Variants in MRTFA observed in about 807,000 individuals in gnomAD.
MRTFA encodes the protein myocardin-related transcription factor A.
Under a neutral mutation model 83.5 loss-of-function variants are expected in MRTFA, and 20 were observed. The ratio of observed to expected loss-of-function variants is 0.24; its 90% confidence interval spans 0.17 to 0.35. MRTFA has a LOEUF of 0.35. Among genes scored for constraint, MRTFA ranks in the 10% least tolerant of loss-of-function variants. The probability of loss-of-function intolerance (pLI) is 1.00; values close to 1 mark genes in which losing one functional copy is unlikely to be tolerated. For synonymous variants in MRTFA, 659 were observed against 541.2 expected (o/e 1.22, Z -3.02); for missense variants, 1,200 against 1,224.7 (o/e 0.98, Z 0.30).
chr22:40,622,377 AG>A (rs2056533598), intron 1 of MRTFA, among the ~76,000 whole-genome samples: 2 of 151,362 alleles, frequency 1.3e-5, no homozygotes, highest in Admixed American at 6.6e-5. Context: ...GCTACTCGGG[AG>A]GCTGAGGCAG....
intron 4 of MRTFA, among the ~76,000 whole-genome samples, chr22:40,457,432 GAA>G (rs1049289945): frequency 7.7e-5 from 7 of 90,848 alleles, no homozygotes; most frequent in African/African-American, 1.3e-4. Flanking sequence ...ATGAAAGAAA[GAA>G]AGAGAAAGAA....
In MRTFA at chr22:40,614,946, T is replaced by A. The variant is rs536494973; in HGVS notation, c.-83-20211A>T. 3.9e-5 allele frequency among the ~76,000 whole-genome samples: 6 copies of A among 152,320 alleles called. No homozygotes were observed. The South Asian group carries it at 1.2e-3, about 32-fold the overall frequency. On this transcript the variant is annotated intron_variant, in intron 1 of 14. Coordinates refer to ENST00000355630, the MANE Select transcript of MRTFA (RefSeq NM_020831.6). ...CTCCCAAGTCTGTGGCTTACCTTTT[T>A]AGTTTCTTATGGTGTCTTCTAAAGA... is the stretch of plus-strand genomic sequence containing the variant.
intron 2 of MRTFA, among the ~76,000 whole-genome samples, chr22:40,559,774 A>G (rs1178318306): frequency 1.3e-5 from 2 of 152,246 alleles, no homozygotes; most frequent in African/African-American, 2.4e-5. Flanking sequence ...CAAAAAGAAA[A>G]GAAAGAAAAT....
At chr22:40,562,836 G>GTAA (rs1391606486) in intron 2 of MRTFA, among the ~76,000 whole-genome samples, 2 of 151,992 alleles carry the variant, frequency 1.3e-5, no homozygotes, top group African/African-American at 4.8e-5. Flanking sequence ...TCTCAAAGTA[G>GTAA]TAAGATGCAG....
chr22:40,476,661 C>T (rs935731375), intron 3 of MRTFA, among the ~76,000 whole-genome samples: 3 of 152,042 alleles, frequency 2.0e-5, no homozygotes, highest in Non-Finnish European at 4.4e-5. Flanking sequence ...GCCTGTTGCC[C>T]AGGCTAGTCT....
Position 40,423,690 on chromosome 22 carries a change from G to C in MRTFA, c.778-5C>G. On this transcript the variant is annotated splice_region_variant and splice_polypyrimidine_tract_variant and intron_variant, in intron 8 of 14. Coordinates refer to ENST00000355630, the MANE Select transcript of MRTFA (RefSeq NM_020831.6). The stretch of plus-strand genomic sequence containing the variant: ...CATCGGAAGTTGAGACACAACCTGA[G>C]AGGGAAAAAGGGAAGTGAGGACATG... 6.5e-7 allele frequency: 1 copy of C among 1,538,630 alleles called. No homozygotes were observed.
At chr22:40,488,603 G>A (rs764787965) in intron 3 of MRTFA, among the ~76,000 whole-genome samples, 1 of 151,970 alleles carries the variant, frequency 6.6e-6, no homozygotes, top group East Asian at 1.9e-4. Flanking sequence ...AGGCCAAGGC[G>A]GGCGGATCAA....
chr22:40,572,284 G>A (rs527784769), intron 2 of MRTFA, among the ~76,000 whole-genome samples: 9 of 152,278 alleles, frequency 5.9e-5, no homozygotes, highest in African/African-American at 2.2e-4. Flanking sequence ...CTGTGGCAAT[G>A]GTTGTATATG....
At chr22:40,588,298 A>G (rs902670960) in intron 2 of MRTFA, among the ~76,000 whole-genome samples, 2 of 152,146 alleles carry the variant, frequency 1.3e-5, no homozygotes, top group African/African-American at 2.4e-5. Flanking sequence ...AAGTGCTGGG[A>G]TTACAGGTGT....
intron 2 of MRTFA, among the ~76,000 whole-genome samples, chr22:40,590,240 G>T (rs932621740): frequency 1.3e-5 from 2 of 152,114 alleles, no homozygotes; most frequent in African/African-American, 4.8e-5. Flanking sequence ...AATTAGTATG[G>T]CTGTATAGAT....
intron 2 of MRTFA, among the ~76,000 whole-genome samples, chr22:40,565,685 C>A (rs962440404): frequency 6.6e-6 from 1 of 152,146 alleles, no homozygotes; most frequent in East Asian, 1.9e-4. Flanking sequence ...CTTGGGCCTA[C>A]ATTATAGTGG....
intron 2 of MRTFA, among the ~76,000 whole-genome samples, chr22:40,554,489 CT>C (rs2055490750): frequency 6.6e-6 from 1 of 152,154 alleles, no homozygotes; most frequent in Admixed American, 6.6e-5. Flanking sequence ...GGCTTTTCCT[CT>C]TTTGCTTGGC....
At position 40,566,223 on chromosome 22, in the gene MRTFA, AT is replaced by A. The variant is rs372874080; in HGVS notation, c.-21-13857del. Among the ~76,000 whole-genome samples, 298 of 142,964 alleles carry A rather than the reference AT, an allele frequency of 2.1e-3. 1 individual carries two copies. Among genetic ancestry groups the A allele is most frequent in the Admixed American group, 3.5e-3 (50 of 14,360 alleles). The allele number at this position is 142,964 out of a possible 152,430, so 93.8% of individuals were successfully genotyped here. A position where few individuals can be genotyped will look rare whatever the true frequency, so the allele number is the denominator to read the frequency against. ...ATGGAGTGATATGATCTGATTTATC[AT>A]TTTTTTTTTTTTTTGAGACAGAGTC... On this transcript the variant is annotated intron_variant, in intron 2 of 14. Coordinates refer to ENST00000355630, the MANE Select transcript of MRTFA (RefSeq NM_020831.6).
chr22:40,411,939 C>A (rs1238494084), intron 14 of MRTFA, 32 bp from the exon 15 acceptor site: 4 of 1,451,052 alleles, frequency 2.8e-6, no homozygotes, highest in African/African-American at 2.8e-5. Flanking sequence ...AAATGGATAT[C>A]AGAAGCCAAG....
At chr22:40,551,278 G>A (rs907557340) in intron 3 of MRTFA, among the ~76,000 whole-genome samples, 9 of 151,998 alleles carry the variant, frequency 5.9e-5, no homozygotes, top group African/African-American at 2.2e-4. Flanking sequence ...TAGGAATAGG[G>A]GAATAAGAGA....
At chr22:40,577,812 G>A (rs576061903) in intron 2 of MRTFA, among the ~76,000 whole-genome samples, 7 of 151,392 alleles carry the variant, frequency 4.6e-5, no homozygotes, top group Non-Finnish European at 1.0e-4. Context: ...CTCCATGTTG[G>A]TCAGGCTGGT....
chr22:40,435,936 CAAA>C (rs201938817), intron 4 of MRTFA, among the ~76,000 whole-genome samples: 7 of 106,730 alleles, frequency 6.6e-5, no homozygotes, highest in Admixed American at 9.9e-5. Flanking sequence ...AACCGTCCCC[CAAA>C]AAAAAAAAAA....
intron 3 of MRTFA, among the ~76,000 whole-genome samples, chr22:40,488,606 C>A (rs777314913): frequency 2.6e-5 from 4 of 151,822 alleles, no homozygotes; most frequent in Non-Finnish European, 5.9e-5. Flanking sequence ...CCAAGGCGGG[C>A]GGATCAACTG....
At chr22:40,522,462 T>C (rs1167581374) in intron 3 of MRTFA, 2 of 152,208 alleles carry the variant, frequency 1.3e-5, no homozygotes, top group Admixed American at 6.5e-5. Flanking sequence ...AAGTGAGCCT[T>C]ATCATTTTCC....
Sources: allele counts gnomAD v4.1 joint callset (sites outside exome capture counted in the v4.1 genomes callset), GRCh38; gene constraint gnomAD v4.1.1; transcripts MANE v1.5; gene names NCBI Gene and HGNC (gene_info 2026-07-23, HGNC 2026-07-21).